Variants in GPC5 observed in about 807,000 individuals in gnomAD.
GPC5 encodes the protein glypican 5.
In GPC5, 47 loss-of-function variants were observed where a neutral mutation model predicts 53.9. That is an observed-to-expected ratio of 0.87 (90% CI 0.69 to 1.11). The LOEUF (loss-of-function observed/expected upper bound fraction) is 1.11, where lower values mean the gene tolerates loss of function less well. Ranked by LOEUF, GPC5 falls within the 50% of genes most tolerant of loss-of-function variation. GPC5 has a pLI of 0.00. For synonymous variants in GPC5, 286 were observed against 263.3 expected (o/e 1.09, Z -0.84); for missense variants, 748 against 713.1 (o/e 1.05, Z -0.56).
intron 5 of GPC5, among the ~76,000 whole-genome samples, chr13:91,877,053 CA>C (rs926366180): frequency 2.0e-5 from 3 of 152,276 alleles, no homozygotes; most frequent in Non-Finnish European, 2.9e-5. Context: ...TGTGGGTACA[CA>C]AAAGTCAAGA....
intron 2 of GPC5, among the ~76,000 whole-genome samples, chr13:91,541,725 A>T (rs1427739818): frequency 6.6e-6 from 1 of 152,022 alleles, no homozygotes; most frequent in African/African-American, 2.4e-5. Context: ...TTTTTCAAAA[A>T]CTGCAGTTCT....
At chr13:91,614,092 T>G (rs2033632356) in intron 2 of GPC5, among the ~76,000 whole-genome samples, 1 of 152,178 alleles carries the variant, frequency 6.6e-6, no homozygotes, top group Non-Finnish European at 1.5e-5. Context: ...GTCATATTGG[T>G]AAGAGCAGTT....
At chr13:91,974,967 A>T (rs559451451) in intron 6 of GPC5, among the ~76,000 whole-genome samples, 3 of 152,302 alleles carry the variant, frequency 2.0e-5, no homozygotes, top group African/African-American at 7.2e-5. Flanking sequence ...ATAATGCCGC[A>T]TATCTACAAC....
chr13:92,381,889 T>TCATATATCATATATATGA (rs753025655), intron 7 of GPC5, among the ~76,000 whole-genome samples: 2 of 122,172 alleles, frequency 1.6e-5, no homozygotes, highest in African/African-American at 3.1e-5. Flanking sequence ...ATTATATATA[T>TCATATATCATATATATGA]TATATATAAT....
At chr13:91,409,639 ATTTTC>A (rs538049306) in intron 1 of GPC5, among the ~76,000 whole-genome samples, 11 of 152,146 alleles carry the variant, frequency 7.2e-5, no homozygotes, top group South Asian at 2.1e-4. Flanking sequence ...ATGATCACAT[ATTTTC>A]TTTTCTTTTC....
chr13:91,891,633 C>G (rs1273984397), intron 5 of GPC5, among the ~76,000 whole-genome samples: 2 of 152,248 alleles, frequency 1.3e-5, no homozygotes, highest in Middle Eastern at 3.4e-3. Flanking sequence ...TTGCTATACA[C>G]TACCAAAAGC....
chr13:92,775,976 C>T (rs1242023960), intron 7 of GPC5, among the ~76,000 whole-genome samples: 2 of 152,296 alleles, frequency 1.3e-5, no homozygotes, highest in South Asian at 2.1e-4. Context: ...ACAAGCCTTG[C>T]CCTCTTGGAG....
At chr13:92,328,368 G>T (rs538689871) in intron 7 of GPC5, among the ~76,000 whole-genome samples, 13 of 152,258 alleles carry the variant, frequency 8.5e-5, no homozygotes, top group Admixed American at 2.0e-4. Context: ...AACAGAACCA[G>T]ATATAGAATC....
At chr13:91,971,353 CTCT>C (rs2139091558) in intron 6 of GPC5, among the ~76,000 whole-genome samples, 1 of 151,930 alleles carries the variant, frequency 6.6e-6, no homozygotes, top group South Asian at 2.1e-4. Context: ...TGATTCTTCT[CTCT>C]TTTCTTCTTT....
At chr13:92,602,370 T>C (rs1225507295) in intron 7 of GPC5, among the ~76,000 whole-genome samples, 1 of 151,232 alleles carries the variant, frequency 6.6e-6, no homozygotes, top group African/African-American at 2.4e-5. Context: ...TGCCTTAATA[T>C]GAGTTTATTC....
chr13:91,674,606 TGC>T (rs2035336147), intron 2 of GPC5, among the ~76,000 whole-genome samples: 3 of 147,750 alleles, frequency 2.0e-5, no homozygotes, highest in African/African-American at 7.4e-5. Flanking sequence ...CGCATATATA[TGC>T]GTATGTGTAT....
At chr13:92,126,313 A>G (rs2041696929) in intron 6 of GPC5, among the ~76,000 whole-genome samples, 1 of 152,208 alleles carries the variant, frequency 6.6e-6, no homozygotes, top group African/African-American at 2.4e-5. Context: ...CAGGTGTATG[A>G]AAAAGACAAC....
intron 7 of GPC5, among the ~76,000 whole-genome samples, chr13:92,769,532 G>T (rs1344519751): frequency 1.3e-5 from 2 of 152,022 alleles, no homozygotes; most frequent in Admixed American, 1.3e-4. Flanking sequence ...GAGCCCAAGA[G>T]TTCGAGACCA....
intron 2 of GPC5, among the ~76,000 whole-genome samples, chr13:91,607,022 T>C (rs2033391694): frequency 6.6e-6 from 1 of 152,032 alleles, no homozygotes; most frequent in Non-Finnish European, 1.5e-5. Flanking sequence ...TGCTCTTGCT[T>C]TTCTAGTTCT....
chr13:92,361,817 G>C (rs989035744), intron 7 of GPC5, among the ~76,000 whole-genome samples: 1 of 151,686 alleles, frequency 6.6e-6, no homozygotes, highest in Non-Finnish European at 1.5e-5. Context: ...CTCATAAGTG[G>C]ATTAGCTGGT....
At position 91,728,556 on chromosome 13, in the gene GPC5, G is replaced by T; in HGVS notation, c.1045G>T (p.Val349Leu). The change falls in exon 4 of 8, where the codon GTA (valine) becomes TTA (leucine). Residue 349 changes from valine (V) to leucine (L), a missense_variant. Val to Leu is a conservative substitution (Grantham distance 32). Transcript: ENST00000377067. ...EQVNRICGRP[V>L]RTPTQSPRCS... is the part of the protein sequence containing the mutation. Reference sequence around the variant, plus strand: ...GGTAAATAGGATTTGTGGCCGCCCTGTAAGAACACCCACACAAAGCCCCCG... The same window carrying T: ...GGTAAATAGGATTTGTGGCCGCCCTTTAAGAACACCCACACAAAGCCCCCG... The T allele has an allele frequency of 6.2e-7, 1 of 1,611,906 alleles. No individual in the cohort carries two copies. The highest frequency in any genetic ancestry group is 8.5e-7 in the Non-Finnish European group (1 of 1,178,708).
intron 7 of GPC5, among the ~76,000 whole-genome samples, chr13:92,428,814 T>C (rs1375959966): frequency 6.6e-6 from 1 of 152,090 alleles, no homozygotes; most frequent in Non-Finnish European, 1.5e-5. Flanking sequence ...TGATTCATGT[T>C]TTGAATGTAA....
intron 7 of GPC5, among the ~76,000 whole-genome samples, chr13:92,674,957 A>G (rs1045621519): frequency 8.5e-5 from 13 of 152,160 alleles, no homozygotes; most frequent in Admixed American, 2.0e-4. Context: ...AAGAAAAACA[A>G]TTAGCTTATT....
chr13:91,526,445 C>T (rs1175772640), intron 2 of GPC5, among the ~76,000 whole-genome samples: 1 of 151,950 alleles, frequency 6.6e-6, no homozygotes, highest in East Asian at 1.9e-4. Flanking sequence ...TTATTTCTTC[C>T]AAGATAAGAA....
Sources: gnomAD v4.1 joint callset for allele counts (sites outside exome capture counted in the v4.1 genomes callset) on GRCh38, gnomAD v4.1.1 for gene constraint, MANE v1.5 for transcripts, NCBI Gene and HGNC (gene_info 2026-07-23, HGNC 2026-07-21) for gene names.